MED15: variants seen among roughly 807,000 people sequenced by gnomAD.
MED15 encodes the protein mediator of RNA polymerase II transcription subunit 15.
Under a neutral mutation model 118.7 loss-of-function variants are expected in MED15, and 41 were observed. The ratio of observed to expected loss-of-function variants is 0.35; its 90% CI spans 0.27 to 0.45. The LOEUF (loss-of-function observed/expected upper bound fraction) is 0.45, where lower values mean the gene tolerates loss of function less well. Ranked by LOEUF, MED15 falls within the 20% of genes least tolerant of loss-of-function variation. The probability of loss-of-function intolerance (pLI) is 1.00; values close to 1 mark genes in which losing one functional copy is unlikely to be tolerated. For synonymous variants in MED15, 436 were observed against 413.9 expected, an observed-to-expected ratio of 1.05 and a Z score of -0.65; for missense variants, 740 against 1,025.5, an observed-to-expected ratio of 0.72 and a Z score of 3.80.
intron 5 of MED15, among the ~76,000 whole-genome samples, 170 bp downstream of exon 5, chr22:20,555,318 C>T (rs1442813701): frequency 6.6e-6 from 1 of 152,222 alleles, no homozygotes; most frequent in Non-Finnish European, 1.5e-5. Context: ...TTCCAATTTT[C>T]GTTGAGCTCC....
rs1478817981 is a variant in MED15 at position 20,584,342 on chromosome 22, G to A, written c.1737-17G>A. ...CATGTCTTCCACTCTTTCAGCCCAA[G>A]TCCTCTCTCTCTGCAGGTGTCCCCT... On this transcript the variant is annotated splice_polypyrimidine_tract_variant and intron_variant, in intron 13 of 17. Coordinates refer to ENST00000263205, the MANE Select transcript of MED15 (RefSeq NM_001003891.3). 7 of 1,613,150 alleles carry A rather than the reference G, an allele frequency of 4.3e-6. No homozygotes were observed. The highest frequency in any genetic ancestry group is 5.9e-6 in the Non-Finnish European group (7 of 1,179,380).
At chr22:20,511,103 C>G (rs952946488) in intron 1 of MED15, among the ~76,000 whole-genome samples, 1 of 152,208 alleles carries the variant, frequency 6.6e-6, no homozygotes, top group Non-Finnish European at 1.5e-5. Context: ...CATTAGAATT[C>G]TAGACATACC....
At chr22:20,564,343 C>G (rs560370966) in intron 5 of MED15, 107 bp from the exon 6 acceptor site, 1 of 1,534,886 alleles carries the variant, frequency 6.5e-7, no homozygotes, top group Admixed American at 2.0e-5. Context: ...CAGCGGCAGC[C>G]GTGGCAGTGG....
rs1368441246 is a variant in MED15 at position 20,586,961 on chromosome 22, AGATGC to A, written c.*261_*265del. On this transcript the variant is annotated 3_prime_UTR_variant, in exon 18 of 18. Coordinates refer to ENST00000263205, the MANE Select transcript of MED15 (RefSeq NM_001003891.3). Reference sequence around the variant, plus strand: ...TCCATGTGACTTCCTCCCAGGAGCCAGATGCGATCCTCAGGCTGCTCTCACCGTGG... The same window carrying A: ...TCCATGTGACTTCCTCCCAGGAGCCAGATCCTCAGGCTGCTCTCACCGTGG... The A allele has an allele frequency of 5.4e-6, 3 of 560,282 alleles. No homozygotes were observed. Among genetic ancestry groups the A allele is most frequent in the Non-Finnish European group, 9.5e-6 (3 of 315,488 alleles). 34.7% of individuals were successfully genotyped at this position (560,282 alleles called of 1,614,324 possible). A position where few individuals can be genotyped will look rare whatever the true frequency, so the allele number is the denominator to read the frequency against.
At chr22:20,541,336 G>T (rs1022543309) in intron 2 of MED15, among the ~76,000 whole-genome samples, 5 of 152,080 alleles carry the variant, frequency 3.3e-5, no homozygotes, top group Admixed American at 3.3e-4. Context: ...GATACAAATG[G>T]CCAACAACCA....
At chr22:20,515,632 A>G (rs566630124) in intron 1 of MED15, among the ~76,000 whole-genome samples, 3 of 152,162 alleles carry the variant, frequency 2.0e-5, no homozygotes, top group South Asian at 4.2e-4. Context: ...TCTACTAAAA[A>G]TACAAAAATT....
intron 1 of MED15, among the ~76,000 whole-genome samples, chr22:20,510,334 C>T (rs555493495): frequency 2.0e-5 from 3 of 152,206 alleles, no homozygotes; most frequent in East Asian, 3.9e-4. Context: ...TGCAGTGAGC[C>T]GAGATCGCAC....
intron 1 of MED15, among the ~76,000 whole-genome samples, chr22:20,510,988 T>C (rs557347302): frequency 1.4e-4 from 22 of 152,240 alleles, no homozygotes; most frequent in African/African-American, 5.3e-4. Context: ...TTCTCAAATT[T>C]GTCTGTTTTC....
chr22:20,545,029 G>A (rs5757994), intron 2 of MED15, among the ~76,000 whole-genome samples: 108,212 of 152,022 alleles, frequency 0.71, 38,745 homozygotes, highest in Admixed American at 0.8. Context: ...CATCATATCT[G>A]CAAAGACCTT....
chr22:20,578,176 CG>C (rs1364526171), intron 9 of MED15, among the ~76,000 whole-genome samples: 1 of 152,188 alleles, frequency 6.6e-6, no homozygotes, highest in African/African-American at 2.4e-5. Context: ...CCGCCCGCCT[CG>C]GTCTCCAAAA....
In MED15 at chr22:20,570,746, C is replaced by CTTTTTT. The variant is rs61109389; in HGVS notation, c.1152+2140_1152+2145dup. 4.6e-3 allele frequency among the ~76,000 whole-genome samples: 288 copies of CTTTTTT among 62,092 alleles called. 39 individuals carry two copies. Among genetic ancestry groups the CTTTTTT allele is most frequent in the African/African-American group, 0.018 (250 of 13,686 alleles). The allele number at this position is 62,092 out of a possible 152,430, so 40.7% of individuals were successfully genotyped here. ...TTTTCTTTTCTTTCTTTCTTTCTTT[C>CTTTTTT]TTTTTTTTTTTTTTTTTTTTTTTTT... On this transcript the variant is annotated intron_variant, in intron 8 of 17. Transcript: ENST00000263205.
At chr22:20,562,672 G>A (rs971853394) in intron 5 of MED15, among the ~76,000 whole-genome samples, 16 of 152,114 alleles carry the variant, frequency 1.1e-4, no homozygotes, top group African/African-American at 3.1e-4. Flanking sequence ...GAGAACCACC[G>A]CGACCCGCCG....
In MED15 at chr22:20,580,052, T is replaced by C. The variant is rs375519307; in HGVS notation, c.1273-2559T>C. ...TGACACCTGGGCACAGGGCCTGGCT[T>C]TCTGCTCTTGTGCTCTTGGAAATGA... On this transcript the variant is annotated intron_variant, in intron 9 of 17. Coordinates refer to ENST00000263205, the MANE Select transcript of MED15 (RefSeq NM_001003891.3). 3.9e-5 allele frequency among the ~76,000 whole-genome samples: 6 copies of C among 152,232 alleles called. No individual in the cohort carries two copies. The South Asian group carries it at 8.3e-4, about 21-fold the overall frequency.
chr22:20,531,761 T>C (rs765893294), intron 1 of MED15, among the ~76,000 whole-genome samples: 10 of 152,252 alleles, frequency 6.6e-5, no homozygotes, highest in Non-Finnish European at 1.2e-4. Context: ...TTGTCTCTGC[T>C]CTCAGGGTGT....
Position 20,586,794 on chromosome 22 carries a change from G to A in MED15, c.*90G>A, listed in dbSNP as rs2146694394. ...TTCTAGGTGTTGGCTTCCTTAGAGA[G>A]CCTGGGGTTAGGTTAGCTTTCCTGC... is the stretch of plus-strand genomic sequence containing the variant. On this transcript the variant is annotated 3_prime_UTR_variant, in exon 18 of 18. Coordinates refer to ENST00000263205, the MANE Select transcript of MED15 (RefSeq NM_001003891.3). The A allele has an allele frequency of 1.3e-6, 2 of 1,542,114 alleles. No individual in the cohort carries two copies. The highest frequency in any genetic ancestry group is 2.3e-5 in the East Asian group (1 of 43,700).
intron 2 of MED15, among the ~76,000 whole-genome samples, chr22:20,546,719 A>C (rs1173934355): frequency 6.6e-6 from 1 of 151,964 alleles, no homozygotes; most frequent in African/African-American, 2.4e-5. Context: ...CATTGCTGTC[A>C]TTCATTTTGA....
chr22:20,514,683 C>T (rs763360138), intron 1 of MED15, among the ~76,000 whole-genome samples: 5 of 152,184 alleles, frequency 3.3e-5, no homozygotes, highest in Non-Finnish European at 7.3e-5. Context: ...GAGACGTGAG[C>T]TCCAAGTAAG....
chr22:20,551,416 C>G lies in MED15; in HGVS notation c.157-20C>G, dbSNP rs764912105. On this transcript the variant is annotated intron_variant, in intron 2 of 17. Coordinates refer to ENST00000263205, the MANE Select transcript of MED15 (RefSeq NM_001003891.3). ...CGCTTCTTCATCTGGTATTAAACTGCTTCCTGTTTTTACTTTTAGGACGAA... is the reference window on the plus strand; with the variant it reads ...CGCTTCTTCATCTGGTATTAAACTGGTTCCTGTTTTTACTTTTAGGACGAA... 1 of 1,612,612 alleles carries G rather than the reference C, an allele frequency of 6.2e-7. No individual in the cohort carries two copies. Among genetic ancestry groups the G allele is most frequent in the South Asian group, 1.1e-5 (1 of 91,054 alleles).
intron 1 of MED15, 184 bp downstream of exon 1, chr22:20,507,930 G>A (rs539333601): frequency 1.4e-6 from 2 of 1,445,526 alleles, no homozygotes; most frequent in South Asian, 2.9e-5. Context: ...TGGACTGCTC[G>A]TTTGCTTTCC....
Sources: allele counts gnomAD v4.1 joint callset (sites outside exome capture counted in the v4.1 genomes callset), GRCh38; gene constraint gnomAD v4.1.1; transcripts MANE v1.5; gene names NCBI Gene and HGNC (gene_info 2026-07-23, HGNC 2026-07-21).